Variants in TBPL1 observed in about 807,000 individuals in gnomAD.
TBPL1 encodes the protein TATA box-binding protein-like 1.
In TBPL1, 4 loss-of-function variants were observed where a neutral mutation model predicts 22.1. That is an observed-to-expected ratio of 0.18 (90% CI 0.09 to 0.41). TBPL1 has a LOEUF of 0.41. Ranked by LOEUF, TBPL1 falls within the 10% of genes least tolerant of loss-of-function variation. The probability of loss-of-function intolerance (pLI) is 1.00; values close to 1 mark genes in which losing one functional copy is unlikely to be tolerated. For missense variants in TBPL1, 115 were observed against 222.3 expected (o/e 0.52, Z 3.07); for synonymous variants, 64 against 71.0 (o/e 0.90, Z 0.50).
intron 1 of TBPL1, among the ~76,000 whole-genome samples, chr6:133,969,938 C>T (rs1562660134): frequency 6.6e-6 from 1 of 152,160 alleles, no homozygotes; most frequent in Non-Finnish European, 1.5e-5. Context: ...ATATGTTAGG[C>T]TCCTGGGATT....
chr6:133,972,412 C>A (rs1376106184), intron 1 of TBPL1, among the ~76,000 whole-genome samples: 1 of 152,132 alleles, frequency 6.6e-6, no homozygotes, highest in Admixed American at 6.6e-5. Flanking sequence ...AAAATAAGGG[C>A]CTTACATTTA....
intron 2 of TBPL1, 101 bp downstream of exon 2, chr6:133,980,361 T>A: frequency 7.5e-7 from 1 of 1,328,430 alleles, no homozygotes; most frequent in Non-Finnish European, 9.9e-7. Flanking sequence ...TATGAGCACC[T>A]TACCATGTGC....
At chr6:133,959,360 T>C (rs1775981600) in intron 1 of TBPL1, among the ~76,000 whole-genome samples, 1 of 151,898 alleles carries the variant, frequency 6.6e-6, no homozygotes, top group Non-Finnish European at 1.5e-5. Flanking sequence ...GTTAGGAAAT[T>C]TTTAGGAAAA....
rs1189495803 is a variant in TBPL1, at chr6:133,953,292, G to A, written c.-178G>A. On this transcript the variant is annotated 5_prime_UTR_variant, in exon 1 of 7. Coordinates refer to ENST00000237264, the MANE Select transcript of TBPL1 (RefSeq NM_004865.4). ...TCGGGGGCTCCTAGCAACGGGCCGG[G>A]GCGGGAGTTCCATGGAGACTGGGGA... 1 of 152,784 alleles carries A rather than the reference G, an allele frequency of 6.5e-6. No homozygotes were observed. Among genetic ancestry groups the A allele is most frequent in the Admixed American group, 6.5e-5 (1 of 15,292 alleles). The allele number at this position is 152,784 out of a possible 1,614,324, so 9.5% of individuals were successfully genotyped here. A position where few individuals can be genotyped will look rare whatever the true frequency, so the allele number is the denominator to read the frequency against.
chr6:133,967,609 G>T (rs1265359118), intron 1 of TBPL1, among the ~76,000 whole-genome samples: 1 of 152,130 alleles, frequency 6.6e-6, no homozygotes, highest in Non-Finnish European at 1.5e-5. Flanking sequence ...TGTAGGCAGT[G>T]AACCTATACA....
At chr6:133,967,946 C>A (rs1353408205) in intron 1 of TBPL1, among the ~76,000 whole-genome samples, 1 of 151,994 alleles carries the variant, frequency 6.6e-6, no homozygotes, top group Non-Finnish European at 1.5e-5. Context: ...GAGCCTAGGA[C>A]CATGTGCTTA....
At chr6:133,968,011 CTTTT>C (rs535103637) in intron 1 of TBPL1, among the ~76,000 whole-genome samples, 2 of 136,068 alleles carry the variant, frequency 1.5e-5, no homozygotes, top group Non-Finnish European at 1.6e-5. Flanking sequence ...TGACTATTTT[CTTTT>C]TTTTTTTTTT....
At chr6:133,955,808 A>G (rs966599718) in intron 1 of TBPL1, among the ~76,000 whole-genome samples, 3 of 152,244 alleles carry the variant, frequency 2.0e-5, no homozygotes, top group Admixed American at 1.3e-4. Flanking sequence ...TTATTCTTAA[A>G]ATCAATCTTG....
rs1776471805 is a variant in TBPL1 at position 133,984,438 on chromosome 6, C to T, written c.345C>T (p.Ile115=). ...VLAVCNMPFE[I]RLPEFTKNNR... ...CAGTGTGTAACATGCCATTTGAAATCCGTTTGCCAGAATTCACAAAGAACA... is the reference window on the plus strand; with the variant it reads ...CAGTGTGTAACATGCCATTTGAAATTCGTTTGCCAGAATTCACAAAGAACA... The change falls in exon 5 of 7, where the codon ATC becomes ATT. Residue 115 remains isoleucine (I), a synonymous_variant. Coordinates refer to ENST00000237264, the MANE Select transcript of TBPL1 (RefSeq NM_004865.4). 5 of 1,613,598 alleles carry T rather than the reference C, an allele frequency of 3.1e-6. No homozygotes were observed. The highest frequency in any genetic ancestry group is 4.2e-6 in the Non-Finnish European group (5 of 1,179,818).
chr6:133,954,431 G>A (rs1775892291), intron 1 of TBPL1, among the ~76,000 whole-genome samples: 2 of 152,228 alleles, frequency 1.3e-5, no homozygotes, highest in African/African-American at 4.8e-5. Context: ...GAAAATGGCA[G>A]TTCCTTCCTA....
chr6:133,985,337 T>TATATAC (rs756426220), intron 6 of TBPL1, among the ~76,000 whole-genome samples: 8 of 55,038 alleles, frequency 1.5e-4, no homozygotes, highest in Admixed American at 6.0e-4. Flanking sequence ...TATATATATA[T>TATATAC]ACACACATAT....
intron 1 of TBPL1, among the ~76,000 whole-genome samples, chr6:133,970,577 A>G (rs1384700711): frequency 1.3e-5 from 2 of 151,626 alleles, no homozygotes; most frequent in African/African-American, 2.4e-5. Flanking sequence ...GAACACTCAT[A>G]TATCTGTCAC....
At chr6:133,978,582 G>A (rs1047952791) in intron 1 of TBPL1, among the ~76,000 whole-genome samples, 2 of 152,080 alleles carry the variant, frequency 1.3e-5, no homozygotes, top group African/African-American at 4.8e-5. Flanking sequence ...AATTATTTGA[G>A]GTAGCTCAAA....
intron 1 of TBPL1, among the ~76,000 whole-genome samples, chr6:133,972,274 A>G (rs1776236598): frequency 6.6e-6 from 1 of 152,226 alleles, no homozygotes; most frequent in South Asian, 2.1e-4. Flanking sequence ...TCATAATTTC[A>G]TGTCACTCAG....
At chr6:133,956,474 C>T (rs1457361340) in intron 1 of TBPL1, among the ~76,000 whole-genome samples, 1 of 152,158 alleles carries the variant, frequency 6.6e-6, no homozygotes. Context: ...TTCTTTATTA[C>T]ATACTGCCTG....
At chr6:133,973,871 T>G (rs75675990) in intron 1 of TBPL1, among the ~76,000 whole-genome samples, 1 of 152,270 alleles carries the variant, frequency 6.6e-6, no homozygotes, top group East Asian at 1.9e-4. Flanking sequence ...TATGTCTTAA[T>G]ATTAGGCCTT....
chr6:133,978,354 T>G (rs2114373841), intron 1 of TBPL1, among the ~76,000 whole-genome samples: 1 of 152,342 alleles, frequency 6.6e-6, no homozygotes, highest in Middle Eastern at 3.4e-3. Context: ...TGCTGTGTGG[T>G]AGGCATGGTC....
chr6:133,972,116 A>G (rs1286600872), intron 1 of TBPL1, among the ~76,000 whole-genome samples: 4 of 152,166 alleles, frequency 2.6e-5, no homozygotes, highest in African/African-American at 9.6e-5. Context: ...TTGTATCTCA[A>G]TGTATTTGTT....
chr6:133,952,600 A>C (rs1274499867), upstream of TBPL1: 1 of 152,062 alleles, frequency 6.6e-6, no homozygotes, highest in African/African-American at 2.4e-5. The surrounding 1 kb of genome is among the most constrained non-coding windows in gnomAD (Gnocchi z 4.5). Flanking sequence ...TCGCTCTAAG[A>C]CCAGGATTCC....
Sources: allele counts gnomAD v4.1 joint callset (sites outside exome capture counted in the v4.1 genomes callset), GRCh38; gene constraint gnomAD v4.1.1; non-coding constraint Gnocchi (gnomAD v3.1); transcripts MANE v1.5; gene names NCBI Gene and HGNC (gene_info 2026-07-23, HGNC 2026-07-21).